The following NHSL1 variants were observed in gnomAD, a reference collection of about 807,000 sequenced individuals.
The protein encoded by NHSL1 is NHS like 1, also known as NHS-like protein 1.
In NHSL1, 48 loss-of-function variants were observed where a neutral mutation model predicts 95.0. That is an observed-to-expected ratio of 0.51 (90% confidence interval 0.40 to 0.64). The LOEUF (loss-of-function observed/expected upper bound fraction) is 0.64. Ranked by LOEUF, NHSL1 falls within the 30% of genes least tolerant of loss-of-function variation. The pLI is 0.00. For synonymous variants in NHSL1, 783 were observed against 833.9 expected, an observed-to-expected ratio of 0.94 and a Z score of 1.05; for missense variants, 1,971 against 2,077.7, an observed-to-expected ratio of 0.95 and a Z score of 1.00.
intron 4 of NHSL1, among the ~76,000 whole-genome samples, chr6:138,442,935 CT>C (rs1297232730): frequency 2.0e-5 from 3 of 152,000 alleles, no homozygotes; most frequent in African/African-American, 7.3e-5. Flanking sequence ...ATTGATTGAT[CT>C]GTTTTAAATT....
intron 1 of NHSL1, among the ~76,000 whole-genome samples, chr6:138,509,494 A>G (rs1781120494): frequency 6.6e-6 from 1 of 152,246 alleles, no homozygotes; most frequent in East Asian, 1.9e-4. Flanking sequence ...TAACGTAGAA[A>G]AAAATGAGAG....
rs182963895 is a variant in NHSL1, at chr6:138,582,626, T to C, written c.97-86255A>G. 1.8e-3 allele frequency among the ~76,000 whole-genome samples: 267 copies of C among 152,242 alleles called. 1 individual carries two copies. The highest frequency in any genetic ancestry group is 9.6e-4 in the East Asian group (5 of 5,182). ...AACCCCAAGTCAGGAGCCTTCCCTTTAACTCTGCTGAGGGCCACTGCCTGT... is the reference window on the plus strand; with the variant it reads ...AACCCCAAGTCAGGAGCCTTCCCTTCAACTCTGCTGAGGGCCACTGCCTGT... On this transcript the variant is annotated intron_variant, in intron 1 of 3. Transcript: ENST00000491526.
chr6:138,433,528 G>A lies in NHSL1; in HGVS notation c.817C>T (p.Pro273Ser). Residue 273 changes from proline (P) to serine (S), a missense_variant, in exon 6 of 8, where the codon CCA (proline) becomes TCA (serine). Coordinates refer to ENST00000343505, the MANE Select transcript of NHSL1 (RefSeq NM_001144060.2). ...GCCCTGATTCTCCTCATGGAAGGTG[G>A]TACGACCTTCACATCCTCCGTCTGA... is the stretch of plus-strand genomic sequence containing the variant. Reference protein sequence around the residue: ...SCQTEDVKVVPPSMRRIRAQK... With the variant: ...SCQTEDVKVVSPSMRRIRAQK... 1 of 1,551,942 alleles carries A rather than the reference G, an allele frequency of 6.4e-7. No individual in the cohort carries two copies. The highest frequency in any genetic ancestry group is 8.7e-7 in the Non-Finnish European group (1 of 1,147,064).
At chr6:138,616,093 A>G (rs1011614968) in intron 1 of NHSL1, among the ~76,000 whole-genome samples, 14 of 152,230 alleles carry the variant, frequency 9.2e-5, no homozygotes, top group African/African-American at 3.1e-4. Flanking sequence ...CAAATTTACC[A>G]ATGTCCCAGA....
At chr6:138,588,723 T>TG in intron 1 of NHSL1, among the ~76,000 whole-genome samples, 1 of 152,356 alleles carries the variant, frequency 6.6e-6, no homozygotes, top group Admixed American at 6.5e-5. Flanking sequence ...TTTAACAGTT[T>TG]GGGTGAAAAG....
intron 1 of NHSL1, among the ~76,000 whole-genome samples, chr6:138,531,549 T>G (rs1782135808): frequency 6.6e-6 from 1 of 152,022 alleles, no homozygotes; most frequent in Non-Finnish European, 1.5e-5. Flanking sequence ...AACAGGGTCT[T>G]GCTCTGTTGC....
chr6:138,593,047 T>C (rs949885774), intron 1 of NHSL1, among the ~76,000 whole-genome samples: 1 of 152,226 alleles, frequency 6.6e-6, no homozygotes, highest in Non-Finnish European at 1.5e-5. Flanking sequence ...TAATGGAGCC[T>C]GGATGAATCC....
intron 1 of NHSL1, among the ~76,000 whole-genome samples, chr6:138,561,391 G>C (rs1462898452): frequency 6.6e-6 from 1 of 152,022 alleles, no homozygotes; most frequent in African/African-American, 2.4e-5. Flanking sequence ...TTCCCTCCAG[G>C]TTACTGCCAC....
chr6:138,460,739 G>A (rs1332186263), intron 3 of NHSL1, among the ~76,000 whole-genome samples: 4 of 151,536 alleles, frequency 2.6e-5, no homozygotes, highest in Non-Finnish European at 5.9e-5. Flanking sequence ...AAAATTCTCT[G>A]CTTAAAAAAT....
chr6:138,570,359 C>T lies in NHSL1; in HGVS notation c.202+1351G>A, dbSNP rs779686924. Among the ~76,000 whole-genome samples the T allele has an allele frequency of 6.6e-5, 10 of 152,222 alleles. 1 individual carries two copies. Among genetic ancestry groups the T allele is most frequent in the Non-Finnish European group, 1.3e-4 (9 of 68,038 alleles). ...CAAACATTACAACCCAATCATTTAC[C>T]AAAACCACAGCTTATTCCTGATTTA... On this transcript the variant is annotated intron_variant, in intron 1 of 6. Coordinates refer to the NHSL1 transcript ENST00000427025.
chr6:138,427,255 C>A (rs1220739945), intron 7 of NHSL1, among the ~76,000 whole-genome samples: 2 of 152,204 alleles, frequency 1.3e-5, no homozygotes, highest in African/African-American at 2.4e-5. Flanking sequence ...GCCTGAGCAA[C>A]ATGGTGAAAC....
intron 1 of NHSL1, among the ~76,000 whole-genome samples, chr6:138,681,404 T>C (rs868610204): frequency 6.6e-6 from 1 of 152,236 alleles, no homozygotes; most frequent in Non-Finnish European, 1.5e-5. Flanking sequence ...ATAAATTACA[T>C]GAAAATTTAT....
rs1289866044 is a variant in NHSL1 at position 138,565,892 on chromosome 6, A to G, written c.202+5818T>C. On this transcript the variant is annotated intron_variant, in intron 1 of 6. Transcript: ENST00000427025. ...TGGGAGTTCAAGGTTACAGGGAGCTATGATTGTGCCATTGCACTCCAGCCT... is the reference window on the plus strand; with the variant it reads ...TGGGAGTTCAAGGTTACAGGGAGCTGTGATTGTGCCATTGCACTCCAGCCT... Among the ~76,000 whole-genome samples the G allele has an allele frequency of 2.0e-5, 3 of 151,684 alleles. No individual in the cohort carries two copies. The East Asian group carries it at 5.8e-4, about 29-fold the overall frequency.
intron 1 of NHSL1, among the ~76,000 whole-genome samples, chr6:138,594,493 T>C (rs1007985481): frequency 6.6e-6 from 1 of 152,194 alleles, no homozygotes; most frequent in East Asian, 1.9e-4. Flanking sequence ...TTGATCTTCA[T>C]GCACTTGTCT....
At chr6:138,473,210 T>G in intron 3 of NHSL1, 96 bp downstream of exon 3, 1 of 1,098,032 alleles carries the variant, frequency 9.1e-7, no homozygotes, top group Non-Finnish European at 1.2e-6. Flanking sequence ...TTGATTAAAA[T>G]ACAGGCTCAA....
intron 1 of NHSL1, among the ~76,000 whole-genome samples, chr6:138,513,491 C>T (rs1325090651): frequency 4.6e-5 from 7 of 152,142 alleles, no homozygotes; most frequent in Non-Finnish European, 4.4e-5. Context: ...CCTGCTTCGG[C>T]CTCCCAAGTA....
At chr6:138,525,528 A>AAAATAAATAAATAAAT (rs141195256) in intron 1 of NHSL1, among the ~76,000 whole-genome samples, 1 of 139,612 alleles carries the variant, frequency 7.2e-6, no homozygotes. Flanking sequence ...ACCTTGTCTC[A>AAAATAAATAAATAAAT]AAATAAATAA....
At chr6:138,510,051 A>G (rs1311255323) in intron 1 of NHSL1, among the ~76,000 whole-genome samples, 2 of 152,252 alleles carry the variant, frequency 1.3e-5, no homozygotes, top group Non-Finnish European at 2.9e-5. Flanking sequence ...AAGGCAAATC[A>G]GATTTATCAC....
intron 1 of NHSL1, among the ~76,000 whole-genome samples, chr6:138,571,349 G>A (rs753467371): frequency 3.3e-5 from 5 of 152,144 alleles, no homozygotes; most frequent in Non-Finnish European, 7.3e-5. Context: ...AGAGTTCCAC[G>A]TTCTAGCCCC....
Sources: gnomAD v4.1 joint callset for allele counts (sites outside exome capture counted in the v4.1 genomes callset) on GRCh38, gnomAD v4.1.1 for gene constraint, MANE v1.5 for transcripts, NCBI Gene and HGNC (gene_info 2026-07-23, HGNC 2026-07-21) for gene names.